SYNE1: variants seen among roughly 807,000 people sequenced by gnomAD.
SYNE1 encodes nesprin-1.
In SYNE1, 616 loss-of-function variants were observed where a neutral mutation model predicts 1,111.0. The observed-to-expected ratio is 0.55, with a 90% CI of 0.52 to 0.59. The LOEUF (loss-of-function observed/expected upper bound fraction) is 0.59, where lower values mean the gene tolerates loss of function less well. SYNE1 is among the 20% of genes least tolerant of loss of function. The pLI, the probability that SYNE1 is intolerant of heterozygous loss-of-function variation, is 0.00. For missense variants in SYNE1, 10,006 were observed against 10,417.0 expected, an observed-to-expected ratio of 0.96 and a Z score of 1.72; for synonymous variants, 3,855 against 3,825.8, an observed-to-expected ratio of 1.01 and a Z score of -0.28.
In SYNE1 at chr6:152,125,256, C is replaced by T. The variant is rs539449294; in HGVS notation, c.26154-2580G>A. 4.5e-6 allele frequency: 7 copies of T among 1,549,646 alleles called. No individual in the cohort carries two copies. The East Asian group carries it at 1.7e-4, about 38-fold the overall frequency. On this transcript the variant is annotated intron_variant, in intron 145 of 145. Transcript: ENST00000367255. ...TGGTAATGGTAATTCAGGTCGTATT[C>T]ATTTCACAGGTATCTCACATGTAGA...
chr6:152,140,018 C>G lies in SYNE1; in HGVS notation c.25390G>C (p.Glu8464Gln), dbSNP rs1315709955. 6.2e-7 allele frequency: 1 copy of G among 1,614,132 alleles called. No individual in the cohort carries two copies. The highest frequency in any genetic ancestry group is 1.1e-5 in the South Asian group (1 of 91,078). The part of the protein sequence containing the change: ...AWLGDTEEEL[E>Q]QLQRLELSTD... ...CTGAGTTCCAGACGCTGGAGCTGTT[C>G]CAACTCCTCCTCCGTGTCCCCCAGC... The change falls in exon 140 of 146, where the codon GAA (glutamate) becomes CAA (glutamine). Residue 8464 changes from glutamate (E) to glutamine (Q), a missense_variant. Glu to Gln is a conservative substitution (Grantham distance 29). Coordinates refer to ENST00000367255, the MANE Select transcript of SYNE1 (RefSeq NM_182961.4).
At chr6:152,265,799 CAT>C (rs1172122817) in intron 100 of SYNE1, among the ~76,000 whole-genome samples, 13 of 152,102 alleles carry the variant, frequency 8.5e-5, no homozygotes, top group African/African-American at 3.1e-4. Context: ...CGACAAGTAA[CAT>C]AGTACTTATT....
intron 59 of SYNE1, among the ~76,000 whole-genome samples, chr6:152,371,891 AG>A (rs1591353469): frequency 9.2e-6 from 1 of 108,398 alleles, no homozygotes; most frequent in East Asian, 2.6e-4. Context: ...AGGAAAGGAA[AG>A]GAAAGGAAAG....
At chr6:152,130,829 A>G in intron 144 of SYNE1, 51 bp from the exon 145 acceptor site, 1 of 1,582,994 alleles carries the variant, frequency 6.3e-7, no homozygotes, top group Non-Finnish European at 8.7e-7. Context: ...AGTCCAGGCA[A>G]ATAAAGACAA....
At chr6:152,239,397 G>T (rs997289175) in intron 108 of SYNE1, 136 bp downstream of exon 108, 112 of 973,356 alleles carry the variant, frequency 1.2e-4, no homozygotes, top group Non-Finnish European at 1.8e-4. Context: ...TAGGAAAAGT[G>T]CAGTCCTGAG....
chr6:152,184,812 T>C (rs950373974), intron 128 of SYNE1, among the ~76,000 whole-genome samples: 10 of 152,106 alleles, frequency 6.6e-5, no homozygotes, highest in African/African-American at 2.4e-4. Flanking sequence ...CCAAACGCTT[T>C]TCAAAAGATA....
chr6:152,153,491 A>G (rs1681868053), intron 133 of SYNE1, among the ~76,000 whole-genome samples: 1 of 152,260 alleles, frequency 6.6e-6, no homozygotes, highest in Non-Finnish European at 1.5e-5. Flanking sequence ...TCATTATAGA[A>G]GCTAACTATA....
intron 130 of SYNE1, chr6:152,167,589 T>C: frequency 2.7e-6 from 1 of 368,758 alleles, no homozygotes; most frequent in Non-Finnish European, 5.5e-6. Context: ...ATAAGCTTCA[T>C]ATTAGGGACT....
At chr6:152,384,114 T>A (rs1477495025) in intron 55 of SYNE1, among the ~76,000 whole-genome samples, 1 of 152,190 alleles carries the variant, frequency 6.6e-6, no homozygotes, top group Non-Finnish European at 1.5e-5. Flanking sequence ...CAAAACAACT[T>A]TATCAGACAG....
chr6:152,439,374 G>A (rs921691860), intron 32 of SYNE1, among the ~76,000 whole-genome samples: 20 of 152,198 alleles, frequency 1.3e-4, no homozygotes, highest in African/African-American at 3.4e-4. Context: ...CACCTGATAC[G>A]TTTTTAATAC....
At chr6:152,152,234 G>T in intron 133 of SYNE1, 93 bp from the exon 134 acceptor site, 2 of 1,133,260 alleles carry the variant, frequency 1.8e-6, no homozygotes, top group Non-Finnish European at 2.6e-6. Flanking sequence ...CTGGGAGAAT[G>T]GGAAGTTACA....
intron 11 of SYNE1, among the ~76,000 whole-genome samples, chr6:152,497,464 A>G (rs964708920): frequency 6.6e-6 from 1 of 152,130 alleles, no homozygotes; most frequent in Non-Finnish European, 1.5e-5. Flanking sequence ...ATGTGTACCC[A>G]AGGTACCAGA....
chr6:152,398,080 T>C (rs1439584405), intron 49 of SYNE1, among the ~76,000 whole-genome samples: 3 of 152,164 alleles, frequency 2.0e-5, no homozygotes, highest in Non-Finnish European at 4.4e-5. Flanking sequence ...TTGACAAGCT[T>C]GGCCAAAACC....
chr6:152,316,995 C>T lies in SYNE1; in HGVS notation c.16573-9G>A. ...TCTAAATGTGATGCTGCCTGAAAAA[C>T]CAGTAACATTAATGTAACAAATGTA... On this transcript the variant is annotated splice_polypyrimidine_tract_variant and intron_variant, in intron 86 of 145. Transcript: ENST00000367255. The T allele has an allele frequency of 6.2e-7, 1 of 1,613,646 alleles. No homozygotes were observed. Among genetic ancestry groups the T allele is most frequent in the Non-Finnish European group, 8.5e-7 (1 of 1,179,976 alleles).
intron 51 of SYNE1, among the ~76,000 whole-genome samples, chr6:152,393,852 G>A (rs1376505233): frequency 6.6e-6 from 1 of 152,138 alleles, no homozygotes; most frequent in Non-Finnish European, 1.5e-5. Context: ...TTTACTTTAA[G>A]TTCTGGGATA....
chr6:152,594,617 A>T (rs1184519634), intron 3 of SYNE1, among the ~76,000 whole-genome samples: 2 of 152,242 alleles, frequency 1.3e-5, no homozygotes, highest in African/African-American at 4.8e-5. Context: ...ATTGTGTCCC[A>T]TATTTATCGT....
intron 102 of SYNE1, among the ~76,000 whole-genome samples, chr6:152,256,203 G>A (rs1459591817): frequency 6.6e-6 from 1 of 151,878 alleles, no homozygotes; most frequent in Non-Finnish European, 1.5e-5. Flanking sequence ...GGCGGATCAC[G>A]AGGTCAGGAG....
chr6:152,558,721 A>C (rs899865756), intron 3 of SYNE1, among the ~76,000 whole-genome samples: 4 of 152,178 alleles, frequency 2.6e-5, no homozygotes, highest in Non-Finnish European at 4.4e-5. Context: ...GAAGGAAATA[A>C]ACAGCAATAT....
At chr6:152,538,153 T>G (rs2099252602) in intron 4 of SYNE1, among the ~76,000 whole-genome samples, 1 of 152,174 alleles carries the variant, frequency 6.6e-6, no homozygotes, top group Non-Finnish European at 1.5e-5. Flanking sequence ...TTAGAATATA[T>G]TAAAATCATA....
Sources: gnomAD v4.1 joint callset for allele counts (sites outside exome capture counted in the v4.1 genomes callset) on GRCh38, gnomAD v4.1.1 for gene constraint, MANE v1.5 for transcripts, NCBI Gene and HGNC (gene_info 2026-07-23, HGNC 2026-07-21) for gene names.